Variants in ABAT observed in about 807,000 individuals in gnomAD.
ABAT encodes 4-aminobutyrate aminotransferase, mitochondrial.
A neutral mutation model predicts 64.6 loss-of-function variants in ABAT; 45 were observed. That is an observed-to-expected ratio of 0.70 (90% CI 0.55 to 0.89). ABAT has a LOEUF of 0.89. ABAT is among the 40% of genes least tolerant of loss of function. The pLI, the probability that ABAT is intolerant of heterozygous loss-of-function variation, is 0.00. For synonymous variants in ABAT, 297 were observed against 250.5 expected, an observed-to-expected ratio of 1.19 and a Z score of -1.75; for missense variants, 633 against 658.4, an observed-to-expected ratio of 0.96 and a Z score of 0.42.
At chr16:8,757,843 T>C (rs895021948) in intron 6 of ABAT, 37 bp downstream of exon 6, 1 of 1,598,004 alleles carries the variant, frequency 6.3e-7, no homozygotes, top group Non-Finnish European at 8.6e-7. Context: ...AGACAAAATA[T>C]GTTCATGGCC....
intron 1 of ABAT, among the ~76,000 whole-genome samples, chr16:8,696,041 C>T (rs528496540): frequency 2.0e-5 from 3 of 152,210 alleles, no homozygotes; most frequent in East Asian, 1.9e-4. Flanking sequence ...AGGCAAGGAG[C>T]TTTCTTAGTT....
intron 14 of ABAT, among the ~76,000 whole-genome samples, chr16:8,779,158 A>G (rs1040555044): frequency 1.3e-5 from 2 of 152,218 alleles, no homozygotes; most frequent in Non-Finnish European, 2.9e-5. Context: ...AACAGCATTT[A>G]AATCCTTCAG....
chr16:8,754,790 C>A (rs2059604712), intron 5 of ABAT, among the ~76,000 whole-genome samples: 1 of 151,674 alleles, frequency 6.6e-6, no homozygotes. Context: ...ACAATCTCAG[C>A]TCACTACAAC....
intron 1 of ABAT, chr16:8,713,163 G>A (rs2058117059): frequency 6.6e-6 from 1 of 152,334 alleles, no homozygotes; most frequent in Non-Finnish European, 1.5e-5. Context: ...GCGCCCCCCG[G>A]AGCCCCGTCA....
At position 8,733,638 on chromosome 16, in the gene ABAT, T is replaced by C. The variant is rs545231101; in HGVS notation, c.-41-2061T>C. On this transcript the variant is annotated intron_variant, in intron 1 of 15. Transcript: ENST00000268251. ...TGCGGTTAGGGGCTGGAGACCGGCCTGGCCAACACAGCGAAACCCCGTCTC... is the reference window on the plus strand; with the variant it reads ...TGCGGTTAGGGGCTGGAGACCGGCCCGGCCAACACAGCGAAACCCCGTCTC... Among the ~76,000 whole-genome samples, 529 of 151,984 alleles carry C rather than the reference T, an allele frequency of 3.5e-3. 1 individual carries two copies. The highest frequency in any genetic ancestry group is 0.034 in the Middle Eastern group (10 of 294).
At chr16:8,675,403 G>T (rs2057174410) in intron 1 of ABAT, among the ~76,000 whole-genome samples, 1 of 152,032 alleles carries the variant, frequency 6.6e-6, no homozygotes, top group African/African-American at 2.4e-5. Context: ...CTCAGGAGCA[G>T]GGCAAAGGTC....
At position 8,764,179 on chromosome 16, in the gene ABAT, T is replaced by A. The variant is rs762390468; in HGVS notation, c.447+30T>A. ...GTTCTGGAGAAGCAATCCCATTGTC[T>A]TCAGACGTGGTACTGGCAGGGGAAG... On this transcript the variant is annotated intron_variant, in intron 7 of 15. Transcript: ENST00000268251. The surrounding 1 kb of genome is among the most constrained non-coding windows in gnomAD (Gnocchi z 4.2). The A allele has an allele frequency of 6.3e-7, 1 of 1,587,454 alleles. No individual in the cohort carries two copies. The highest frequency in any genetic ancestry group is 1.7e-5 in the Admixed American group (1 of 59,960).
At position 8,750,532 on chromosome 16, in the gene ABAT, C is replaced by A; in HGVS notation, c.309C>A (p.Val103=). The A allele has an allele frequency of 6.2e-7, 1 of 1,613,020 alleles. No homozygotes were observed. Among genetic ancestry groups the A allele is most frequent in the Non-Finnish European group, 8.5e-7 (1 of 1,179,110 alleles). Residue 103 remains valine, a synonymous_variant, in exon 5 of 16, where the codon GTC becomes GTA. Coordinates refer to ENST00000268251, the MANE Select transcript of ABAT (RefSeq NM_020686.6). ...MLDLYSQISS[V]PIGYSHPALL... The stretch of plus-strand genomic sequence containing the variant: ...ATCTTTATTCCCAGATCTCCTCTGT[C>A]CCCATAGGTAAGAGCTGGGAAATCA...
At chr16:8,726,647 A>C (rs1207984899) in intron 1 of ABAT, among the ~76,000 whole-genome samples, 2 of 152,222 alleles carry the variant, frequency 1.3e-5, no homozygotes, top group Middle Eastern at 6.3e-3. Flanking sequence ...ATGCTGCAAC[A>C]AACATAGGAG....
intron 1 of ABAT, among the ~76,000 whole-genome samples, chr16:8,687,157 T>A (rs1223029027): frequency 4.6e-5 from 7 of 152,062 alleles, no homozygotes; most frequent in Admixed American, 4.6e-4. Context: ...GGGACGCACA[T>A]CTGGACGGAA....
At chr16:8,733,739 C>A (rs1438932876) in intron 1 of ABAT, among the ~76,000 whole-genome samples, 1 of 151,546 alleles carries the variant, frequency 6.6e-6, no homozygotes, top group Non-Finnish European at 1.5e-5. Context: ...GAGAATCAGG[C>A]AGGGAGGTTG....
At chr16:8,742,544 G>A (rs1343414746) in intron 2 of ABAT, among the ~76,000 whole-genome samples, 2 of 151,940 alleles carry the variant, frequency 1.3e-5, no homozygotes, top group Non-Finnish European at 2.9e-5. Context: ...CCTGAGTTCT[G>A]GCAAAGGAAA....
intron 1 of ABAT, among the ~76,000 whole-genome samples, chr16:8,732,387 T>C (rs2058753322): frequency 6.6e-6 from 1 of 150,722 alleles, no homozygotes; most frequent in Non-Finnish European, 1.5e-5. Context: ...AGTGTTTGTG[T>C]CCCTGGGTAC....
chr16:8,724,967 A>G (rs1397752759), intron 1 of ABAT, among the ~76,000 whole-genome samples: 1 of 147,438 alleles, frequency 6.8e-6, no homozygotes, highest in African/African-American at 2.5e-5. Context: ...CCCAGGCTGG[A>G]GTGCAGTGGC....
rs147782370 is a variant in ABAT, at chr16:8,779,554, A to G, written c.1345A>G (p.Ile449Val). The change falls in exon 15 of 16, where the codon ATA (isoleucine) becomes GTA (valine). Residue 449 changes from isoleucine to valine, a missense_variant. By Grantham distance (29) the Ile-to-Val change is conservative. Transcript: ENST00000268251. The part of the protein sequence containing the change: ...FCSFDTPDDS[I>V]RNKLILIARN... Reference sequence around the variant, plus strand: ...CTCCTTCGATACTCCCGATGATTCCATACGGAATAAGCTCATTTTAATTGC... The same window carrying G: ...CTCCTTCGATACTCCCGATGATTCCGTACGGAATAAGCTCATTTTAATTGC... 32 of 1,614,188 alleles carry G rather than the reference A, an allele frequency of 2.0e-5. No homozygotes were observed. Among genetic ancestry groups the G allele is most frequent in the African/African-American group, 1.5e-4 (11 of 75,046 alleles).
chr16:8,743,964 TTCAC>T (rs2059257231), intron 2 of ABAT, among the ~76,000 whole-genome samples: 1 of 152,082 alleles, frequency 6.6e-6, no homozygotes, highest in South Asian at 2.1e-4. Flanking sequence ...GCACCTGTCT[TTCAC>T]TCAGGGATCA....
At position 8,773,158 on chromosome 16, in the gene ABAT, A is replaced by AT. The variant is rs57095363; in HGVS notation, c.954+252dup. The stretch of plus-strand genomic sequence containing the variant: ...CACACACACACACACATATATATAT[A>AT]TTTTTTTTTTTGAGACAGAGTCTCA... On this transcript the variant is annotated intron_variant, in intron 12 of 15. Coordinates refer to ENST00000268251, the MANE Select transcript of ABAT (RefSeq NM_020686.6). Among the ~76,000 whole-genome samples the AT allele has an allele frequency of 7.0e-4, 89 of 126,992 alleles. 1 individual carries two copies. Among genetic ancestry groups the AT allele is most frequent in the South Asian group, 3.7e-3 (15 of 4,084 alleles). 83.3% of individuals were successfully genotyped at this position (126,992 alleles called of 152,430 possible).
intron 6 of ABAT, 104 bp downstream of exon 6, chr16:8,757,910 C>G: frequency 7.0e-6 from 9 of 1,287,618 alleles, no homozygotes; most frequent in African/African-American, 1.5e-5. Context: ...TTCATTCATT[C>G]CATAAATATG....
At chr16:8,736,966 C>T (rs1468940317) in intron 2 of ABAT, 4 of 152,388 alleles carry the variant, frequency 2.6e-5, no homozygotes, top group Non-Finnish European at 4.4e-5. Flanking sequence ...GAAATAGGTT[C>T]AGAAAGACCA....
Sources: gnomAD v4.1 joint callset for allele counts (sites outside exome capture counted in the v4.1 genomes callset) on GRCh38, gnomAD v4.1.1 for gene constraint, Gnocchi (gnomAD v3.1) non-coding constraint, MANE v1.5 for transcripts, NCBI Gene and HGNC (gene_info 2026-07-23, HGNC 2026-07-21) for gene names.